Variants in LRRC4C observed in about 807,000 individuals in gnomAD.
The protein encoded by LRRC4C is leucine-rich repeat-containing protein 4C.
In LRRC4C, 5 loss-of-function variants were observed where a neutral mutation model predicts 33.6. That is an observed-to-expected ratio of 0.15 (90% confidence interval 0.08 to 0.31). The LOEUF is 0.31. Among genes scored for constraint, LRRC4C ranks in the 10% least tolerant of loss-of-function variants. The pLI, the probability that LRRC4C is intolerant of heterozygous loss-of-function variation, is 1.00. For synonymous variants in LRRC4C, 329 were observed against 302.0 expected, an observed-to-expected ratio of 1.09 and a Z score of -0.93; for missense variants, 560 against 796.7, an observed-to-expected ratio of 0.70 and a Z score of 3.58.
chr11:41,348,991 G>T (rs1305509562), intron 1 of LRRC4C, among the ~76,000 whole-genome samples: 1 of 152,156 alleles, frequency 6.6e-6, no homozygotes, highest in Non-Finnish European at 1.5e-5. Flanking sequence ...CCCAAAGATT[G>T]TCATATTCTT....
In LRRC4C at chr11:40,753,057, T is replaced by A. The variant is rs140123154; in HGVS notation, c.-406-104779A>T. Among the ~76,000 whole-genome samples the A allele has an allele frequency of 3.1e-3, 466 of 152,062 alleles. 2 individuals are homozygous for A. Among genetic ancestry groups the A allele is most frequent in the Middle Eastern group, 0.014 (4 of 294 alleles). ...TACCAGAAGTTCTCATTCTTAATTT[T>A]ATTTTATTTTATTTTATTTTTTTGA... On this transcript the variant is annotated intron_variant, in intron 2 of 6. Coordinates refer to ENST00000528697, the MANE Select transcript of LRRC4C (RefSeq NM_001258419.2).
intron 3 of LRRC4C, among the ~76,000 whole-genome samples, chr11:40,490,323 C>T (rs1051817467): frequency 3.9e-5 from 6 of 152,052 alleles, no homozygotes; most frequent in Admixed American, 3.3e-4. Flanking sequence ...ACTCTTGCAC[C>T]TAAAGCCATC....
intron 3 of LRRC4C, among the ~76,000 whole-genome samples, chr11:40,393,745 G>A (rs186763165): frequency 6.6e-6 from 1 of 152,228 alleles, no homozygotes; most frequent in East Asian, 1.9e-4. Context: ...ATACTACATT[G>A]TATCTGTCAC....
At chr11:41,383,154 A>T (rs1336675767) in intron 1 of LRRC4C, among the ~76,000 whole-genome samples, 1 of 152,090 alleles carries the variant, frequency 6.6e-6, no homozygotes, top group Non-Finnish European at 1.5e-5. Context: ...GCTTATCAGA[A>T]AAGAATGTTG....
chr11:40,876,629 G>C (rs890890993), intron 2 of LRRC4C, among the ~76,000 whole-genome samples: 1 of 152,026 alleles, frequency 6.6e-6, no homozygotes, highest in African/African-American at 2.4e-5. Flanking sequence ...CTCAGGCTGG[G>C]CATGCTGGCT....
At chr11:40,554,466 T>C (rs1957251674) in intron 3 of LRRC4C, among the ~76,000 whole-genome samples, 3 of 152,168 alleles carry the variant, frequency 2.0e-5, no homozygotes, top group African/African-American at 7.2e-5. Flanking sequence ...TCCCTATGAA[T>C]TTTAGAATAG....
chr11:40,671,749 C>T (rs918154030), intron 2 of LRRC4C, among the ~76,000 whole-genome samples: 1 of 151,116 alleles, frequency 6.6e-6, no homozygotes, highest in Admixed American at 6.6e-5. Context: ...TCAAATAACC[C>T]TCATCTTCAT....
chr11:41,232,934 T>A (rs1169419218), intron 1 of LRRC4C, among the ~76,000 whole-genome samples: 1 of 152,098 alleles, frequency 6.6e-6, no homozygotes, highest in Admixed American at 6.6e-5. Context: ...CTTCATTGAA[T>A]GAACTCATGT....
intron 2 of LRRC4C, among the ~76,000 whole-genome samples, chr11:40,787,263 G>C (rs546073636): frequency 2.0e-5 from 3 of 152,050 alleles, no homozygotes; most frequent in East Asian, 3.9e-4. Context: ...TTGCCAACTG[G>C]GGGGGGTAGG....
chr11:40,810,661 C>T (rs953889755), intron 2 of LRRC4C, among the ~76,000 whole-genome samples: 2 of 152,090 alleles, frequency 1.3e-5, no homozygotes, highest in African/African-American at 2.4e-5. Flanking sequence ...GAAAAGGGCA[C>T]CAACATCTAT....
At chr11:40,915,594 T>C (rs1455095794) in intron 2 of LRRC4C, among the ~76,000 whole-genome samples, 4 of 152,190 alleles carry the variant, frequency 2.6e-5, no homozygotes, top group African/African-American at 9.7e-5. Flanking sequence ...ATAAAAACCC[T>C]AGAAGAAAAC....
chr11:40,368,996 C>T (rs1948333783), intron 3 of LRRC4C, among the ~76,000 whole-genome samples: 1 of 152,128 alleles, frequency 6.6e-6, no homozygotes, highest in Admixed American at 6.5e-5. Flanking sequence ...AAATGAGGCT[C>T]ATAAAATGGT....
At chr11:40,202,652 C>T (rs1032275080) in intron 5 of LRRC4C, among the ~76,000 whole-genome samples, 5 of 152,094 alleles carry the variant, frequency 3.3e-5, no homozygotes, top group Non-Finnish European at 7.4e-5. Flanking sequence ...TGACAAATGT[C>T]CACAGATCCT....
intron 2 of LRRC4C, among the ~76,000 whole-genome samples, chr11:40,654,307 A>G (rs1942979883): frequency 6.6e-6 from 1 of 152,132 alleles, no homozygotes; most frequent in South Asian, 2.1e-4. Flanking sequence ...CAGACACTCA[A>G]TCCTAGCCCA....
intron 1 of LRRC4C, among the ~76,000 whole-genome samples, chr11:41,192,858 A>C (rs529028220): frequency 1.3e-5 from 2 of 152,266 alleles, no homozygotes; most frequent in South Asian, 4.1e-4. Flanking sequence ...TAACAAGAGA[A>C]GCATCTTCTT....
chr11:40,458,371 A>G (rs1418467787), intron 3 of LRRC4C, among the ~76,000 whole-genome samples: 3 of 152,184 alleles, frequency 2.0e-5, no homozygotes, highest in Non-Finnish European at 2.9e-5. Context: ...TGAGGCAAAT[A>G]TTTAAGACAA....
At chr11:40,686,228 T>C (rs1944948252) in intron 2 of LRRC4C, among the ~76,000 whole-genome samples, 1 of 152,128 alleles carries the variant, frequency 6.6e-6, no homozygotes, top group Non-Finnish European at 1.5e-5. Flanking sequence ...ACCATTGATT[T>C]GTTGTAAAAA....
intron 2 of LRRC4C, among the ~76,000 whole-genome samples, chr11:40,697,957 A>ACT (rs1284674578): frequency 1.3e-5 from 2 of 151,608 alleles, no homozygotes; most frequent in Non-Finnish European, 2.9e-5. Flanking sequence ...AGTCCCAGCT[A>ACT]CAGGGGAGGC....
chr11:41,228,487 A>T (rs1316362285), intron 1 of LRRC4C, among the ~76,000 whole-genome samples: 2 of 152,058 alleles, frequency 1.3e-5, no homozygotes, highest in Non-Finnish European at 2.9e-5. Context: ...TGTCATTCTA[A>T]TTTCCATTCC....
Sources: gnomAD v4.1 joint callset for allele counts (sites outside exome capture counted in the v4.1 genomes callset) on GRCh38, gnomAD v4.1.1 for gene constraint, MANE v1.5 for transcripts, NCBI Gene and HGNC (gene_info 2026-07-23, HGNC 2026-07-21) for gene names.